The following AGAP3 variants were observed in gnomAD, a reference collection of about 807,000 sequenced individuals.
AGAP3 encodes the protein arf-GAP with GTPase, ANK repeat and PH domain-containing protein 3.
AGAP3 carries 24 observed loss-of-function variants against 96.9 expected under a neutral mutation model. The observed-to-expected ratio is 0.25, with a 90% CI of 0.18 to 0.35. The LOEUF is 0.35. AGAP3 is among the 10% of genes least tolerant of loss of function. The pLI is 1.00. For missense variants in AGAP3, 876 were observed against 1,254.2 expected (o/e 0.70, Z 4.55); for synonymous variants, 563 against 536.1 (o/e 1.05, Z -0.69).
chr7:151,131,625 C>T (rs1478710363), intron 10 of AGAP3, among the ~76,000 whole-genome samples: 6 of 152,274 alleles, frequency 3.9e-5, no homozygotes, highest in South Asian at 2.1e-4. Context: ...TGCCCGGGCA[C>T]GAGGGCGTGG....
chr7:151,110,468 G>C (rs965753871), intron 1 of AGAP3, among the ~76,000 whole-genome samples: 2 of 152,112 alleles, frequency 1.3e-5, no homozygotes, highest in Non-Finnish European at 2.9e-5. Context: ...CCTGGGGAGG[G>C]TGTCAGGTGA....
At chr7:151,115,717 G>A (rs1799543058) in intron 1 of AGAP3, 4 of 940,756 alleles carry the variant, frequency 4.3e-6, no homozygotes, top group Non-Finnish European at 5.2e-6. Context: ...CAGGGCAGGC[G>A]AGCTGCCGCG....
At chr7:151,100,370 C>G (rs1408905231) in intron 1 of AGAP3, among the ~76,000 whole-genome samples, 1 of 152,184 alleles carries the variant, frequency 6.6e-6, no homozygotes, top group Non-Finnish European at 1.5e-5. Context: ...GTGCCCTGCA[C>G]TTCTCTGTGT....
chr7:151,132,321 T>C (rs1239546166), intron 10 of AGAP3, among the ~76,000 whole-genome samples: 3 of 152,218 alleles, frequency 2.0e-5, no homozygotes, highest in Non-Finnish European at 2.9e-5. Flanking sequence ...CTCGGTTATG[T>C]CGTTCTGTGG....
Position 151,140,122 on chromosome 7 carries a change from G to A in AGAP3, c.1804+6G>A. The A allele has an allele frequency of 6.3e-7, 1 of 1,578,972 alleles. No individual in the cohort carries two copies. Among genetic ancestry groups the A allele is most frequent in the East Asian group, 2.4e-5 (1 of 42,224 alleles). ...CCCCAGCAGTGCTACTGAAGGTTAG[G>A]GGGACCCAGAGGGAAACCGGGCACA... On this transcript the variant is annotated splice_donor_region_variant and intron_variant, in intron 13 of 17. Coordinates refer to ENST00000397238, the MANE Select transcript of AGAP3 (RefSeq NM_031946.7). The surrounding 1 kb of genome is among the most constrained non-coding windows in gnomAD (Gnocchi z 5.4).
intron 5 of AGAP3, 98 bp downstream of exon 5, chr7:151,117,875 C>T: frequency 6.9e-7 from 1 of 1,450,194 alleles, no homozygotes; most frequent in Non-Finnish European, 9.1e-7. Context: ...CCCCCAAGCC[C>T]CTACTCTTTT....
At position 151,118,399 on chromosome 7, in the gene AGAP3, T is replaced by C; in HGVS notation, c.841+55T>C. On this transcript the variant is annotated intron_variant, in intron 6 of 17. Transcript: ENST00000397238. The surrounding 1 kb of genome is among the most constrained non-coding windows in gnomAD (Gnocchi z 6.1). ...GCAGCCGCGGCCCCAGTGCTGGCGA[T>C]AGGAAGGCTCCCAGTGAGAGCAAGG... 1.3e-6 allele frequency: 2 copies of C among 1,595,566 alleles called. No individual in the cohort carries two copies. Among genetic ancestry groups the C allele is most frequent in the South Asian group, 2.2e-5 (2 of 89,668 alleles).
rs548513717 is a variant in AGAP3 at position 151,117,322 on chromosome 7, C to T, written c.479-49C>T. ...GGAAGCTGTAGATTTCTTCTTGGCC[C>T]CTGGATTCTTTCTCCACACTTTGGA... On this transcript the variant is annotated intron_variant, in intron 3 of 17. Coordinates refer to ENST00000397238, the MANE Select transcript of AGAP3 (RefSeq NM_031946.7). The T allele has an allele frequency of 4.5e-5, 73 of 1,611,078 alleles. 1 individual carries two copies. The South Asian group carries it at 7.7e-4, about 17-fold the overall frequency.
In AGAP3 at chr7:151,086,688, GCCGCCT is replaced by G. The variant is rs1338499978; in HGVS notation, c.-48_-43del. 9.0e-5 allele frequency: 19 copies of G among 211,370 alleles called. No individual in the cohort carries two copies. The highest frequency in any genetic ancestry group is 1.7e-4 in the South Asian group (1 of 5,956). 13.1% of individuals were successfully genotyped at this position (211,370 alleles called of 1,614,324 possible). ...CGCCGCTGCCGCCGCCGCCGCCGCC[GCCGCCT>G]CCGCCGCGCCGCCCCGGGCCCGCCT... On this transcript the variant is annotated 5_prime_UTR_variant, in exon 1 of 18. Coordinates refer to ENST00000397238, the MANE Select transcript of AGAP3 (RefSeq NM_031946.7).
intron 10 of AGAP3, 83 bp downstream of exon 10, chr7:151,128,767 T>G: frequency 8.3e-7 from 1 of 1,208,160 alleles, no homozygotes; most frequent in Non-Finnish European, 1.2e-6. Context: ...GCAGACAGGC[T>G]CCAGGATGGA....
chr7:151,113,417 C>T (rs1187249049), intron 1 of AGAP3, among the ~76,000 whole-genome samples: 1 of 152,214 alleles, frequency 6.6e-6, no homozygotes, highest in Non-Finnish European at 1.5e-5. Context: ...ATTTCCAGCG[C>T]TCTTTTCTGC....
chr7:151,086,072 C>G (rs1313780208), upstream of AGAP3: 2 of 152,404 alleles, frequency 1.3e-5, no homozygotes, highest in African/African-American at 4.8e-5. Context: ...TCAGCAGCAC[C>G]CTCAGGCGCA....
At position 151,114,419 on chromosome 7, in the gene AGAP3, C is replaced by T. The variant is rs930798239; in HGVS notation, c.332-2374C>T. Among the ~76,000 whole-genome samples the T allele has an allele frequency of 6.6e-6, 1 of 152,240 alleles. No homozygotes were observed. The highest frequency in any genetic ancestry group is 2.4e-5 in the African/African-American group (1 of 41,474). ...TGAGGACTGTTATTTAGTTGGCCTG[C>T]TCGTAATGACAGCTCCTCACCTACC... On this transcript the variant is annotated intron_variant, in intron 1 of 17. Coordinates refer to ENST00000397238, the MANE Select transcript of AGAP3 (RefSeq NM_031946.7). The surrounding 1 kb of genome is among the most constrained non-coding windows in gnomAD (Gnocchi z 4.4).
intron 10 of AGAP3, among the ~76,000 whole-genome samples, chr7:151,129,234 G>A (rs1219268303): frequency 3.3e-5 from 5 of 151,578 alleles, no homozygotes; most frequent in African/African-American, 4.9e-5. Flanking sequence ...CCCTCACCGC[G>A]TGGCTCCAGC....
chr7:151,086,975 C>T lies in AGAP3; in HGVS notation c.234C>T (p.Ser78=), dbSNP rs372547043. The change falls in exon 1 of 18, where the codon TCC becomes TCT. Residue 78 remains serine, a synonymous_variant. Coordinates refer to ENST00000397238, the MANE Select transcript of AGAP3 (RefSeq NM_031946.7). ...AIRAEIQRFE[S]VHPNIYAIYD... is the part of the protein sequence containing the mutation. ...GGGCCGAGATCCAGCGCTTCGAGTC[C>T]GTGCATCCCAATATCTACGCCATCT... is the stretch of plus-strand genomic sequence containing the variant. The T allele has an allele frequency of 9.7e-4, 1,561 of 1,612,684 alleles. 1 individual carries two copies. The highest frequency in any genetic ancestry group is 1.2e-3 in the Non-Finnish European group (1,455 of 1,179,498).
chr7:151,121,757 G>A (rs974152532), intron 8 of AGAP3, among the ~76,000 whole-genome samples: 1 of 152,100 alleles, frequency 6.6e-6, no homozygotes, highest in Non-Finnish European at 1.5e-5. Flanking sequence ...CATTGTTTCT[G>A]TGGTGACCTC....
At chr7:151,123,568 G>C in intron 8 of AGAP3, 3 of 1,376,138 alleles carry the variant, frequency 2.2e-6, no homozygotes, top group Non-Finnish European at 2.8e-6. Flanking sequence ...TTTTGTAAGG[G>C]GCGGGCCCGG....
chr7:151,110,710 T>C (rs1276548360), intron 1 of AGAP3, among the ~76,000 whole-genome samples: 3 of 152,102 alleles, frequency 2.0e-5, no homozygotes, highest in African/African-American at 7.2e-5. Flanking sequence ...GGGAGGATGG[T>C]GGCTTGCCTT....
At position 151,116,778 on chromosome 7, in the gene AGAP3, C is replaced by T. The variant is rs1799606733; in HGVS notation, c.332-15C>T. The stretch of plus-strand genomic sequence containing the variant: ...TGCCACCCTGGCCCTGACGGGGCGG[C>T]TCTGTCTTCCGCAGACTCGTTTGTG... On this transcript the variant is annotated splice_polypyrimidine_tract_variant and intron_variant, in intron 1 of 17. Transcript: ENST00000397238. 6.2e-7 allele frequency: 1 copy of T among 1,613,946 alleles called. No individual in the cohort carries two copies. Among genetic ancestry groups the T allele is most frequent in the African/African-American group, 1.3e-5 (1 of 74,928 alleles).
Sources: gnomAD v4.1 joint callset for allele counts (sites outside exome capture counted in the v4.1 genomes callset) on GRCh38, gnomAD v4.1.1 for gene constraint, Gnocchi (gnomAD v3.1) non-coding constraint, MANE v1.5 for transcripts, NCBI Gene and HGNC (gene_info 2026-07-23, HGNC 2026-07-21) for gene names.